KAZN: variants seen among roughly 807,000 people sequenced by gnomAD.
The protein encoded by KAZN is kazrin.
A neutral mutation model predicts 87.4 loss-of-function variants in KAZN; 40 were observed. That is an observed-to-expected ratio of 0.46 (90% CI 0.36 to 0.60). KAZN has a LOEUF of 0.60. KAZN is among the 20% of genes least tolerant of loss of function. The pLI is 0.00. For synonymous variants in KAZN, 466 were observed against 458.3 expected (o/e 1.02, Z -0.22); for missense variants, 898 against 1,073.9 (o/e 0.84, Z 2.29).
At chr1:14,124,999 C>G (rs369544792) in intron 1 of KAZN, among the ~76,000 whole-genome samples, 1 of 152,058 alleles carries the variant, frequency 6.6e-6, no homozygotes, top group African/African-American at 2.4e-5. Flanking sequence ...ATTGCAGTAG[C>G]GAGTGGATAG....
intron 2 of KAZN, among the ~76,000 whole-genome samples, chr1:14,980,584 CT>C (rs1333032914): frequency 6.6e-6 from 1 of 152,232 alleles, no homozygotes; most frequent in Non-Finnish European, 1.5e-5. Flanking sequence ...ATCCTCGACT[CT>C]GCTCCAGGCT....
At chr1:14,116,215 A>C (rs1369833383) in intron 1 of KAZN, among the ~76,000 whole-genome samples, 1 of 152,226 alleles carries the variant, frequency 6.6e-6, no homozygotes, top group South Asian at 2.1e-4. Flanking sequence ...GACAATGGGG[A>C]AATTGTCTCC....
intron 2 of KAZN, among the ~76,000 whole-genome samples, chr1:14,312,344 T>C (rs1194201691): frequency 6.6e-6 from 1 of 152,162 alleles, no homozygotes; most frequent in Non-Finnish European, 1.5e-5. Context: ...GCTGTGCACT[T>C]ACCTTCTAGC....
intron 1 of KAZN, among the ~76,000 whole-genome samples, chr1:14,729,962 G>A (rs965942005): frequency 1.3e-5 from 2 of 152,100 alleles, no homozygotes; most frequent in African/African-American, 4.8e-5. Flanking sequence ...ACGCCCATTC[G>A]TTCCTGTATT....
rs549659281 is a variant in KAZN at position 14,449,365 on chromosome 1, G to A, written c.250-149618G>A. ...CTACCACTTTGCTTTAGTTGTTTGCGTCTTTTCCTAGAGACTTAGAAATTT... is the reference window on the plus strand; with the variant it reads ...CTACCACTTTGCTTTAGTTGTTTGCATCTTTTCCTAGAGACTTAGAAATTT... On this transcript the variant is annotated intron_variant, in intron 2 of 16. Coordinates refer to the KAZN transcript ENST00000636203. Among the ~76,000 whole-genome samples, 7 of 152,110 alleles carry A rather than the reference G, an allele frequency of 4.6e-5. No homozygotes were observed. The East Asian group carries it at 5.8e-4, about 13-fold the overall frequency.
At chr1:14,401,320 A>G (rs1663390489) in intron 2 of KAZN, among the ~76,000 whole-genome samples, 1 of 151,990 alleles carries the variant, frequency 6.6e-6, no homozygotes, top group African/African-American at 2.4e-5. Flanking sequence ...TATAATGTAG[A>G]AGAAGCACAA....
intron 1 of KAZN, among the ~76,000 whole-genome samples, chr1:14,736,867 A>G (rs747288452): frequency 3.3e-5 from 5 of 151,894 alleles, no homozygotes; most frequent in African/African-American, 4.9e-5. Flanking sequence ...CATTCATTCA[A>G]CAAGTCTCTC....
At chr1:13,981,951 A>T (rs17351137) in intron 1 of KAZN, among the ~76,000 whole-genome samples, 1 of 152,048 alleles carries the variant, frequency 6.6e-6, no homozygotes, top group Admixed American at 6.6e-5. Flanking sequence ...TGACCTGGTC[A>T]GGGAAAGCCA....
At chr1:14,259,827 A>G (rs1303575902) in intron 2 of KAZN, among the ~76,000 whole-genome samples, 2 of 152,210 alleles carry the variant, frequency 1.3e-5, no homozygotes. Flanking sequence ...ACTTTGTGAC[A>G]GTGACTTTGG....
intron 1 of KAZN, among the ~76,000 whole-genome samples, chr1:14,813,883 T>A (rs1055315327): frequency 3.3e-5 from 5 of 152,176 alleles, no homozygotes; most frequent in African/African-American, 9.7e-5. Context: ...TGGGTTGCTG[T>A]CCAGTGCACA....
intron 1 of KAZN, among the ~76,000 whole-genome samples, chr1:14,904,963 G>C (rs575296265): frequency 6.6e-6 from 1 of 152,128 alleles, no homozygotes; most frequent in East Asian, 1.9e-4. Context: ...GGGTTTCACG[G>C]TGTTAGCCAG....
intron 2 of KAZN, chr1:14,390,649 A>C (rs1043288490): frequency 2.6e-5 from 4 of 152,616 alleles, no homozygotes; most frequent in African/African-American, 9.6e-5. Flanking sequence ...GCTGCTTGAG[A>C]CTGGGTGATT....
intron 1 of KAZN, among the ~76,000 whole-genome samples, chr1:13,966,032 C>A (rs917467012): frequency 2.0e-5 from 3 of 152,094 alleles, no homozygotes; most frequent in African/African-American, 4.8e-5. Flanking sequence ...GCAGCACAGT[C>A]CAGGCGGCTC....
At chr1:14,887,751 T>A (rs556152703) in intron 1 of KAZN, among the ~76,000 whole-genome samples, 77 of 151,914 alleles carry the variant, frequency 5.1e-4, no homozygotes, top group Non-Finnish European at 1.0e-3. Flanking sequence ...CTTTTTTCCT[T>A]GCTCTCGGTA....
intron 1 of KAZN, among the ~76,000 whole-genome samples, chr1:14,891,772 CT>C (rs997235536): frequency 1.3e-5 from 2 of 151,720 alleles, no homozygotes; most frequent in Admixed American, 6.6e-5. Context: ...GTGATTTATA[CT>C]TTTTTTTTCT....
chr1:14,455,500 A>G (rs1383946503), intron 2 of KAZN, among the ~76,000 whole-genome samples: 1 of 152,186 alleles, frequency 6.6e-6, no homozygotes, highest in East Asian at 1.9e-4. Context: ...GTTGTTTGCA[A>G]AGAGGCTTTG....
rs765040060 is a variant in KAZN, at chr1:15,060,233, C to T, written c.978C>T (p.Ala326=). 1.1e-4 allele frequency: 170 copies of T among 1,614,126 alleles called. No individual in the cohort carries two copies. Among genetic ancestry groups the T allele is most frequent in the Middle Eastern group, 6.6e-4 (4 of 6,084 alleles). The change falls in exon 6 of 15, where the codon GCC becomes GCT. Residue 326 remains alanine, a synonymous_variant. Coordinates refer to ENST00000376030, the MANE Select transcript of KAZN (RefSeq NM_201628.3). ...QPSVISDASA[A]EGDRSSTPSD... is the part of the protein sequence containing the mutation. ...CTGTCATCTCCGACGCATCTGCCGC[C>T]GAAGGCGACCGGTCGTCCACACCGA...
intron 2 of KAZN, among the ~76,000 whole-genome samples, chr1:14,569,979 G>C (rs1216658010): frequency 6.6e-6 from 1 of 152,130 alleles, no homozygotes; most frequent in Admixed American, 6.5e-5. Flanking sequence ...TGGGTGCGGT[G>C]GTGGGTGCCT....
intron 1 of KAZN, among the ~76,000 whole-genome samples, chr1:13,990,892 C>A (rs1472877701): frequency 6.6e-6 from 1 of 152,142 alleles, no homozygotes; most frequent in Non-Finnish European, 1.5e-5. Flanking sequence ...ATCCTTTCAA[C>A]TTTTTGTTTG....
Sources: allele counts gnomAD v4.1 joint callset (sites outside exome capture counted in the v4.1 genomes callset), GRCh38; gene constraint gnomAD v4.1.1; transcripts MANE v1.5; gene names NCBI Gene and HGNC (gene_info 2026-07-23, HGNC 2026-07-21).